The following YBX3 variants were observed in gnomAD, a reference collection of about 807,000 sequenced individuals.
The protein encoded by YBX3 is Y-box binding protein 3.
YBX3 carries 29 observed loss-of-function variants against 42.4 expected under a neutral mutation model. That is an observed-to-expected ratio of 0.68 (90% CI 0.51 to 0.93). The LOEUF (loss-of-function observed/expected upper bound fraction) is 0.93. YBX3 is among the 40% of genes least tolerant of loss of function. YBX3 has a pLI of 0.00. For synonymous variants in YBX3, 195 were observed against 189.8 expected (o/e 1.03, Z -0.22); for missense variants, 517 against 527.5 (o/e 0.98, Z 0.19).
intron 6 of YBX3, 199 bp from the exon 7 acceptor site, chr12:10,704,347 CT>C (rs1404849346): frequency 2.1e-6 from 1 of 481,390 alleles, no homozygotes; most frequent in Non-Finnish European, 3.7e-6. Context: ...CCTAGTCTGA[CT>C]AGAATACTCA....
At position 10,713,257 on chromosome 12, in the gene YBX3, C is replaced by T. The variant is rs201780998; in HGVS notation, c.527G>A (p.Arg176His). 36 of 1,614,026 alleles carry T rather than the reference C, an allele frequency of 2.2e-5. No individual in the cohort carries two copies. In the South Asian group the frequency reaches 2.9e-4, roughly 13 times the overall value. The change falls in exon 5 of 10, where the codon CGT becomes CAT. Residue 176 changes from arginine to histidine, a missense_variant. Arg to His is a conservative substitution (Grantham distance 29). Coordinates refer to ENST00000228251, the MANE Select transcript of YBX3 (RefSeq NM_003651.5). ...CCTTCCATAGTAGCCACGTCTGTAA[C>T]GGCGCCGATCTGCAGCGTAACGACT... ...EGSRYAADRRRYRRGYYGRRR... is the reference protein window; with the variant it reads ...EGSRYAADRRHYRRGYYGRRR...
chr12:10,707,999 G>A (rs1948156879), intron 6 of YBX3, among the ~76,000 whole-genome samples: 1 of 152,182 alleles, frequency 6.6e-6, no homozygotes, highest in Non-Finnish European at 1.5e-5. Context: ...ATTTTTAAAA[G>A]TAATCAAATT....
At chr12:10,703,609 C>A in intron 7 of YBX3, 1 of 433,996 alleles carries the variant, frequency 2.3e-6, no homozygotes, top group Non-Finnish European at 4.6e-6. Flanking sequence ...CAAGAACATA[C>A]ATCTAATGAA....
At chr12:10,701,480 T>G (rs1415685731) in intron 8 of YBX3, 127 bp from the exon 9 acceptor site, 3 of 667,960 alleles carry the variant, frequency 4.5e-6, no homozygotes, top group South Asian at 1.7e-5. Flanking sequence ...TTAACTACTC[T>G]TAAGTATGAG....
At position 10,723,288 on chromosome 12, in the gene YBX3, G is replaced by C. The variant is rs1948358734; in HGVS notation, c.-177C>G. On this transcript the variant is annotated 5_prime_UTR_variant, in exon 1 of 10. Coordinates refer to ENST00000228251, the MANE Select transcript of YBX3 (RefSeq NM_003651.5). ...GCGGAGGCGGCTCGAGCTTCGTGCT[G>C]CGCGCTCTCTCTTGGGCTCCTCGCT... 1 of 1,047,572 alleles carries C rather than the reference G, an allele frequency of 9.5e-7. No homozygotes were observed. The highest frequency in any genetic ancestry group is 1.7e-5 in the African/African-American group (1 of 59,448). The allele number at this position is 1,047,572 out of a possible 1,614,324, so 64.9% of individuals were successfully genotyped here. A position where few individuals can be genotyped will look rare whatever the true frequency, so the allele number is the denominator to read the frequency against.
chr12:10,701,324 G>C lies in YBX3; in HGVS notation c.1083C>G (p.Asn361Lys). The change falls in exon 9 of 10, where the codon AAC becomes AAG. Residue 361 changes from asparagine (N) to lysine (K), a missense_variant. Physicochemically the swap from Asn to Lys is moderately conservative, Grantham distance 94 (BLOSUM62 0). Coordinates refer to ENST00000228251, the MANE Select transcript of YBX3 (RefSeq NM_003651.5). ...TGCTCTGCTGGGTGGGTGGAGCAGG[G>C]TTCTCAGTTGGTGCTTCACCTGCCT... Reference protein sequence around the residue: ...EAKAGEAPTENPAPPTQQSSA... With the variant: ...EAKAGEAPTEKPAPPTQQSSA... 1 of 781,020 alleles carries C rather than the reference G, an allele frequency of 1.3e-6. No homozygotes were observed. The highest frequency in any genetic ancestry group is 1.3e-5 in the South Asian group (1 of 74,612). The allele number at this position is 781,020 out of a possible 1,614,324, so 48.4% of individuals were successfully genotyped here.
rs769324930 is a variant in YBX3 at position 10,713,225 on chromosome 12, C to A, written c.559G>T (p.Gly187Cys). ...AGACAACGTACATTCCGGGGAGGGC[C>A]ACGGCGCCTTCCATAGTAGCCACGT... ...YRRGYYGRRRGPPRNYAGEEE... is the reference protein window; with the variant it reads ...YRRGYYGRRRCPPRNYAGEEE... Residue 187 changes from glycine (G) to cysteine (C), a missense_variant, in exon 5 of 10, where the codon GGC becomes TGC. Transcript: ENST00000228251. The A allele has an allele frequency of 2.5e-6, 4 of 1,612,248 alleles. No individual in the cohort carries two copies. Among genetic ancestry groups the A allele is most frequent in the Non-Finnish European group, 3.4e-6 (4 of 1,179,530 alleles).
chr12:10,719,080 C>T lies in YBX3; in HGVS notation c.326G>A (p.Arg109Gln). 5.6e-6 allele frequency: 9 copies of T among 1,612,688 alleles called. No homozygotes were observed. Among genetic ancestry groups the T allele is most frequent in the South Asian group, 4.4e-5 (4 of 90,910 alleles). ...NVRNGYGFIN[R>Q]NDTKEDVFVH... The stretch of plus-strand genomic sequence containing the variant: ...CATGCAAATATACACACACACATAC[C>T]GATTTATAAATCCATATCCATTTCT... Residue 109 changes from arginine (R) to glutamine (Q), a missense_variant and splice_region_variant, in exon 2 of 10, where the codon CGA becomes CAA. Arg to Gln is a conservative substitution (Grantham distance 43). Transcript: ENST00000228251.
chr12:10,721,121 T>C (rs1591585258), intron 1 of YBX3, among the ~76,000 whole-genome samples: 1 of 152,218 alleles, frequency 6.6e-6, no homozygotes, highest in African/African-American at 2.4e-5. Context: ...TAGGCATCTA[T>C]GTGTTTGCTT....
In YBX3 at chr12:10,701,950, T is replaced by C. The variant is rs1251454008; in HGVS notation, c.1053+10A>G. On this transcript the variant is annotated intron_variant, in intron 8 of 9. Transcript: ENST00000228251. ...ATCTGGCAACATCCGCCCTGACTGG[T>C]TGGATTTACCTCTTTGCCATCTTGT... The C allele has an allele frequency of 1.2e-6, 2 of 1,608,840 alleles. No individual in the cohort carries two copies. Among genetic ancestry groups the C allele is most frequent in the Admixed American group, 1.7e-5 (1 of 59,522 alleles).
At chr12:10,722,699 G>T (rs1269537752) in intron 1 of YBX3, 151 bp downstream of exon 1, 1 of 685,692 alleles carries the variant, frequency 1.5e-6, no homozygotes, top group Non-Finnish European at 2.0e-6. Flanking sequence ...GGGACCCGGA[G>T]ACCCCTGGGG....
intron 3 of YBX3, among the ~76,000 whole-genome samples, chr12:10,716,622 C>T (rs912799404): frequency 3.9e-5 from 6 of 152,266 alleles, no homozygotes; most frequent in Admixed American, 2.0e-4. Context: ...TATCTCTAAA[C>T]AGTTAAAGGG....
At chr12:10,716,837 C>T (rs988990393) in intron 3 of YBX3, among the ~76,000 whole-genome samples, 4 of 152,108 alleles carry the variant, frequency 2.6e-5, no homozygotes, top group South Asian at 2.1e-4. Context: ...CCCTCCCTGC[C>T]GGCTCGCTCC....
intron 4 of YBX3, among the ~76,000 whole-genome samples, chr12:10,715,286 T>C (rs1269828097): frequency 6.6e-6 from 1 of 151,988 alleles, no homozygotes; most frequent in Non-Finnish European, 1.5e-5. Context: ...GGCTCACACC[T>C]GTAATCCCAG....
In YBX3 at chr12:10,704,108, C is replaced by G. The variant is rs1425160618; in HGVS notation, c.821G>C (p.Gly274Ala). Reference protein sequence around the residue: ...IGEMKDGVPEGAQLQGPVHRN... With the variant: ...IGEMKDGVPEAAQLQGPVHRN... ...ATGAACCGGTCCCTGAAGTTGTGCT[C>G]CCTCTGGGACTCCATCCTTCATCTC... The change falls in exon 7 of 10, where the codon GGA (glycine) becomes GCA (alanine). Residue 274 changes from glycine (G) to alanine (A), a missense_variant. Transcript: ENST00000228251. 1.9e-6 allele frequency: 3 copies of G among 1,614,198 alleles called. No homozygotes were observed. The highest frequency in any genetic ancestry group is 1.1e-5 in the South Asian group (1 of 91,078).
At chr12:10,722,095 G>C (rs1565593534) in intron 1 of YBX3, 1 of 152,394 alleles carries the variant, frequency 6.6e-6, no homozygotes, top group East Asian at 1.9e-4. Flanking sequence ...TTTTTCAGCT[G>C]CTACACCACG....
At chr12:10,713,956 A>T (rs571687857) in intron 4 of YBX3, among the ~76,000 whole-genome samples, 1 of 152,310 alleles carries the variant, frequency 6.6e-6, no homozygotes, top group African/African-American at 2.4e-5. Context: ...CAAAAATGTT[A>T]AAAAAATGTA....
rs1381046690 is a variant in YBX3, at chr12:10,722,851, G to A, written c.261C>T (p.Leu87=). Residue 87 remains leucine, a splice_region_variant and synonymous_variant, in exon 1 of 10, where the codon CTC becomes CTT. Coordinates refer to ENST00000228251, the MANE Select transcript of YBX3 (RefSeq NM_003651.5). ...CCTGCCCTCCCTGGCCTGACTCACCGAGAACTTTTTTCTCCGCGTCTTCGC... is the reference window on the plus strand; with the variant it reads ...CCTGCCCTCCCTGGCCTGACTCACCAAGAACTTTTTTCTCCGCGTCTTCGC... ...AGSEDAEKKV[L]ATKVLGTVKW... The A allele has an allele frequency of 2.7e-6, 4 of 1,492,250 alleles. No homozygotes were observed. Among genetic ancestry groups the A allele is most frequent in the East Asian group, 2.7e-5 (1 of 36,782 alleles). 92.4% of individuals were successfully genotyped at this position (1,492,250 alleles called of 1,614,324 possible).
chr12:10,720,824 A>G (rs1471552338), intron 1 of YBX3: 2 of 152,248 alleles, frequency 1.3e-5, no homozygotes, highest in Admixed American at 6.5e-5. Context: ...TTTACTCTCC[A>G]ATGTAGTTTA....
Sources: allele counts gnomAD v4.1 joint callset (sites outside exome capture counted in the v4.1 genomes callset), GRCh38; gene constraint gnomAD v4.1.1; transcripts MANE v1.5; gene names NCBI Gene and HGNC (gene_info 2026-07-23, HGNC 2026-07-21).